The following GABBR2 variants were observed in gnomAD, a reference collection of about 807,000 sequenced individuals.
GABBR2 encodes the protein G-protein coupled receptor 51.
In GABBR2, 23 loss-of-function variants were observed where a neutral mutation model predicts 105.6. The ratio of observed to expected loss-of-function variants is 0.22; its 90% confidence interval spans 0.16 to 0.31. GABBR2 has a LOEUF of 0.31. Among genes scored for constraint, GABBR2 ranks in the 10% least tolerant of loss-of-function variants. The pLI is 1.00. For missense variants in GABBR2, 734 were observed against 1,245.5 expected (o/e 0.59, Z 6.18); for synonymous variants, 478 against 499.7 (o/e 0.96, Z 0.58).
intron 9 of GABBR2, among the ~76,000 whole-genome samples, chr9:98,389,746 T>C (rs1832145475): frequency 6.6e-6 from 1 of 152,192 alleles, no homozygotes; most frequent in African/African-American, 2.4e-5. Flanking sequence ...AGTCCTGTTT[T>C]AGTTTTAGCA....
At chr9:98,642,742 C>T (rs571761506) in intron 1 of GABBR2, among the ~76,000 whole-genome samples, 3 of 152,272 alleles carry the variant, frequency 2.0e-5, no homozygotes, top group South Asian at 4.1e-4. Flanking sequence ...CTGTTTTAGG[C>T]GTGCGCGTGT....
intron 1 of GABBR2, among the ~76,000 whole-genome samples, chr9:98,699,481 ACT>A (rs1312691878): frequency 2.0e-5 from 3 of 151,928 alleles, no homozygotes; most frequent in African/African-American, 7.3e-5. Context: ...ATTTGTTAAA[ACT>A]CTGCCCATTA....
At chr9:98,588,790 G>A (rs895649918) in intron 1 of GABBR2, among the ~76,000 whole-genome samples, 1 of 152,162 alleles carries the variant, frequency 6.6e-6, no homozygotes, top group Non-Finnish European at 1.5e-5. Context: ...AATGGAATAT[G>A]AACAAAGACG....
At chr9:98,633,431 T>C (rs1340241613) in intron 1 of GABBR2, among the ~76,000 whole-genome samples, 1 of 151,980 alleles carries the variant, frequency 6.6e-6, no homozygotes, top group East Asian at 1.9e-4. Context: ...AAGAGCAGCC[T>C]GGCCAACGTG....
chr9:98,474,560 T>C (rs1826749668), intron 5 of GABBR2, among the ~76,000 whole-genome samples: 1 of 152,186 alleles, frequency 6.6e-6, no homozygotes, highest in African/African-American at 2.4e-5. Context: ...CATTCTAAAC[T>C]GAAACCTTAA....
intron 7 of GABBR2, among the ~76,000 whole-genome samples, chr9:98,412,379 G>C (rs911558417): frequency 1.3e-5 from 2 of 152,220 alleles, no homozygotes; most frequent in Non-Finnish European, 2.9e-5. Flanking sequence ...TCTTATCTCC[G>C]GGTTGTCGAG....
At chr9:98,351,092 T>A (rs927220464) in intron 13 of GABBR2, among the ~76,000 whole-genome samples, 2 of 152,216 alleles carry the variant, frequency 1.3e-5, no homozygotes, top group African/African-American at 4.8e-5. Flanking sequence ...GGAATTTTGT[T>A]ATCCATTCCT....
intron 1 of GABBR2, among the ~76,000 whole-genome samples, chr9:98,682,588 C>T (rs1830564850): frequency 6.6e-6 from 1 of 151,832 alleles, no homozygotes; most frequent in Non-Finnish European, 1.5e-5. Flanking sequence ...GTTGAAGAGG[C>T]TGGTCTTGAA....
At chr9:98,305,999 A>G (rs2131354512) in intron 15 of GABBR2, 122 bp downstream of exon 15, 1 of 682,586 alleles carries the variant, frequency 1.5e-6, no homozygotes. Flanking sequence ...TATAATGTGA[A>G]TTGTCTTCAT....
chr9:98,425,975 G>A (rs760381644), intron 7 of GABBR2, among the ~76,000 whole-genome samples: 8 of 152,208 alleles, frequency 5.3e-5, no homozygotes, highest in Non-Finnish European at 1.0e-4. Flanking sequence ...AGAAATGCAC[G>A]TAGTATGTAA....
At chr9:98,528,542 G>T (rs1828005503) in intron 3 of GABBR2, among the ~76,000 whole-genome samples, 1 of 152,014 alleles carries the variant, frequency 6.6e-6, no homozygotes, top group Non-Finnish European at 1.5e-5. Flanking sequence ...ATGAAACATG[G>T]AGAAATATCT....
intron 11 of GABBR2, among the ~76,000 whole-genome samples, chr9:98,378,777 AG>A (rs1806895191): frequency 1.3e-5 from 2 of 152,218 alleles, no homozygotes; most frequent in African/African-American, 4.8e-5. Context: ...GGAGACAGGG[AG>A]GGCCTCTGGG....
At chr9:98,315,675 C>T (rs1211853838) in intron 13 of GABBR2, among the ~76,000 whole-genome samples, 1 of 152,230 alleles carries the variant, frequency 6.6e-6, no homozygotes, top group African/African-American at 2.4e-5. Flanking sequence ...ACCCCCAGTG[C>T]TTCCTTGTCA....
intron 2 of GABBR2, among the ~76,000 whole-genome samples, chr9:98,559,730 A>C (rs1828638215): frequency 1.3e-5 from 2 of 152,218 alleles, no homozygotes; most frequent in African/African-American, 4.8e-5. Context: ...CAAATGTGAC[A>C]ATGTGGCCAA....
intron 1 of GABBR2, among the ~76,000 whole-genome samples, chr9:98,613,236 C>T (rs1360595699): frequency 6.6e-6 from 1 of 152,090 alleles, no homozygotes; most frequent in Non-Finnish European, 1.5e-5. Flanking sequence ...GTCATGAGTT[C>T]GAGACCAGCC....
At chr9:98,500,646 G>C (rs1342525908) in intron 3 of GABBR2, among the ~76,000 whole-genome samples, 5 of 152,248 alleles carry the variant, frequency 3.3e-5, no homozygotes, top group African/African-American at 1.2e-4. Flanking sequence ...GGAGAGAATG[G>C]ATGGGTCAGA....
intron 8 of GABBR2, among the ~76,000 whole-genome samples, chr9:98,402,377 G>A (rs566524633): frequency 1.1e-4 from 17 of 152,194 alleles, no homozygotes; most frequent in African/African-American, 2.7e-4. Flanking sequence ...TCATCTACAC[G>A]TGGTGTCGTG....
intron 13 of GABBR2, among the ~76,000 whole-genome samples, chr9:98,311,723 G>A (rs1447180009): frequency 6.6e-6 from 1 of 152,198 alleles, no homozygotes; most frequent in Non-Finnish European, 1.5e-5. Context: ...ATGGCAGCCA[G>A]GTTGTGTACC....
chr9:98,445,300 CAA>C (rs1826106525), intron 7 of GABBR2, among the ~76,000 whole-genome samples: 1 of 152,170 alleles, frequency 6.6e-6, no homozygotes, highest in African/African-American at 2.4e-5. Flanking sequence ...GGGGTGCATG[CAA>C]AATGCACCAG....
Sources: allele counts gnomAD v4.1 joint callset (sites outside exome capture counted in the v4.1 genomes callset), GRCh38; gene constraint gnomAD v4.1.1; transcripts MANE v1.5; gene names NCBI Gene and HGNC (gene_info 2026-07-23, HGNC 2026-07-21).